CEP295: variants seen among roughly 807,000 people sequenced by gnomAD.
CEP295 encodes centrosomal protein of 295 kDa.
CEP295 carries 190 observed loss-of-function variants against 291.6 expected under a neutral mutation model. The observed-to-expected ratio is 0.65, with a 90% CI of 0.58 to 0.73. The LOEUF (loss-of-function observed/expected upper bound fraction) is 0.73, where lower values mean the gene tolerates loss of function less well. Among genes scored for constraint, CEP295 ranks in the 30% least tolerant of loss-of-function variants. The probability of loss-of-function intolerance (pLI) is 0.00; values close to 1 mark genes in which losing one functional copy is unlikely to be tolerated. For missense variants in CEP295, 2,863 were observed against 2,949.4 expected (o/e 0.97, Z 0.68); for synonymous variants, 993 against 1,038.8 (o/e 0.96, Z 0.85).
chr11:93,729,559 A>G, intron 26 of CEP295, 29 bp downstream of exon 26: 1 of 1,549,522 alleles, frequency 6.5e-7, no homozygotes, highest in Non-Finnish European at 8.7e-7. Flanking sequence ...CCACACTTCT[A>G]ATGGAAAGTA....
intron 15 of CEP295, among the ~76,000 whole-genome samples, chr11:93,701,226 A>G (rs916673823): frequency 6.6e-6 from 1 of 152,070 alleles, no homozygotes; most frequent in African/African-American, 2.4e-5. Flanking sequence ...TTAGCCAGGC[A>G]TGGTAGCATG....
At chr11:93,683,887 T>A (rs960362573) in intron 8 of CEP295, 77 bp from the exon 9 acceptor site, 1 of 1,477,174 alleles carries the variant, frequency 6.8e-7, no homozygotes, top group Admixed American at 2.4e-5. Flanking sequence ...GACATTACCG[T>A]GGCCTTTGCA....
intron 7 of CEP295, among the ~76,000 whole-genome samples, chr11:93,682,664 T>C (rs1591008518): frequency 1.3e-5 from 2 of 152,342 alleles, no homozygotes; most frequent in African/African-American, 4.8e-5. Context: ...ACCTTTTTGC[T>C]GCATACTGTA....
At chr11:93,706,097 A>G (rs964070139) in intron 17 of CEP295, among the ~76,000 whole-genome samples, 3 of 152,274 alleles carry the variant, frequency 2.0e-5, no homozygotes, top group African/African-American at 7.2e-5. Flanking sequence ...CCAGAGAATA[A>G]ACCTTTAGTT....
At chr11:93,705,969 G>A (rs1449951484) in intron 17 of CEP295, among the ~76,000 whole-genome samples, 1 of 152,170 alleles carries the variant, frequency 6.6e-6, no homozygotes, top group African/African-American at 2.4e-5. Flanking sequence ...GATCTGGATT[G>A]AGGATGCAGA....
intron 9 of CEP295, among the ~76,000 whole-genome samples, chr11:93,685,087 A>G (rs1357007094): frequency 2.6e-5 from 4 of 152,204 alleles, no homozygotes; most frequent in Non-Finnish European, 5.9e-5. Flanking sequence ...TATCTTAGTG[A>G]ATGGTATCAC....
At chr11:93,676,066 C>A (rs1950673923) in intron 6 of CEP295, among the ~76,000 whole-genome samples, 1 of 151,962 alleles carries the variant, frequency 6.6e-6, no homozygotes, top group Non-Finnish European at 1.5e-5. Context: ...CATATACACA[C>A]ACTTTTCAAA....
At chr11:93,696,520 T>C (rs1951852170) in intron 14 of CEP295, 103 bp downstream of exon 14, 1 of 1,066,850 alleles carries the variant, frequency 9.4e-7, no homozygotes, top group Non-Finnish European at 1.3e-6. Flanking sequence ...CTTAGAATTA[T>C]GGCATTTAGA....
rs78230233 is a variant in CEP295, at chr11:93,699,858, A to C, written c.4946A>C (p.Lys1649Thr). Residue 1649 changes from lysine to threonine, a missense_variant, in exon 15 of 30, where the codon AAG (lysine) becomes ACG (threonine). Lys to Thr is a moderately conservative substitution (Grantham distance 78). Transcript: ENST00000325212. ...EHTIPSLFLPKETEHSFIPLP... is the reference protein window; with the variant it reads ...EHTIPSLFLPTETEHSFIPLP... ...ACTATCCCCTCTTTGTTTCTACCCA[A>C]GGAAACAGAGCATTCGTTTATTCCA... The C allele has an allele frequency of 2.2e-3, 3,407 of 1,552,152 alleles. 99 individuals carry two copies. The East Asian group carries it at 0.068, about 31-fold the overall frequency.
intron 17 of CEP295, among the ~76,000 whole-genome samples, chr11:93,704,143 A>C (rs1411373941): frequency 6.6e-6 from 1 of 151,870 alleles, no homozygotes; most frequent in Non-Finnish European, 1.5e-5. Flanking sequence ...TCACTAAATA[A>C]TTTTCTCGAT....
At chr11:93,674,674 T>C (rs1433220944) in intron 5 of CEP295, among the ~76,000 whole-genome samples, 1 of 151,560 alleles carries the variant, frequency 6.6e-6, no homozygotes, top group East Asian at 1.9e-4. Flanking sequence ...GTTGAGGGAC[T>C]TTGCTAAGTT....
chr11:93,675,686 T>C lies in CEP295; in HGVS notation c.624+20T>C. On this transcript the variant is annotated intron_variant, in intron 6 of 29. Coordinates refer to ENST00000325212, the MANE Select transcript of CEP295 (RefSeq NM_033395.2). ...AAACGGGTGATTGACTTATTGTTTC[T>C]TCATGCCCTCGCTTTATTATTTCTG... 8.5e-7 allele frequency: 1 copy of C among 1,170,966 alleles called. No homozygotes were observed. The highest frequency in any genetic ancestry group is 2.7e-5 in the Admixed American group (1 of 37,678). 72.5% of individuals were successfully genotyped at this position (1,170,966 alleles called of 1,614,324 possible).
intron 5 of CEP295, among the ~76,000 whole-genome samples, chr11:93,669,983 T>C (rs1359178041): frequency 2.0e-5 from 3 of 152,162 alleles, no homozygotes; most frequent in African/African-American, 7.2e-5. Context: ...GTATAAGGAC[T>C]TTTTTCTTAG....
intron 18 of CEP295, among the ~76,000 whole-genome samples, chr11:93,710,460 A>G (rs1952820962): frequency 1.3e-5 from 2 of 152,222 alleles, no homozygotes; most frequent in Admixed American, 6.5e-5. Flanking sequence ...CCATCCTTGC[A>G]TCCTTGGGAT....
intron 1 of CEP295, among the ~76,000 whole-genome samples, chr11:93,663,688 TA>T (rs1950086675): frequency 6.6e-6 from 1 of 152,154 alleles, no homozygotes; most frequent in Non-Finnish European, 1.5e-5. Context: ...ATAAAAAGTT[TA>T]AAAAATTTAA....
chr11:93,674,319 T>A (rs1194974817), intron 5 of CEP295, among the ~76,000 whole-genome samples: 6 of 152,134 alleles, frequency 3.9e-5, no homozygotes, highest in Non-Finnish European at 8.8e-5. Context: ...CATTCCACAC[T>A]CATATATGTT....
Position 93,729,692 on chromosome 11 carries a change from G to A in CEP295, c.7478G>A (p.Arg2493Lys). ...AAGAGGAAAAAATCATTTATGGAGA[G>A]ATCCCACCAGAGGCAGAAAGAAATA... ...FIKRKKSFME[R>K]SHQRQKEIRN... The change falls in exon 27 of 30, where the codon AGA (arginine) becomes AAA (lysine). Residue 2493 changes from arginine (R) to lysine (K), a missense_variant. Transcript: ENST00000325212. The A allele has an allele frequency of 1.9e-6, 3 of 1,550,254 alleles. No individual in the cohort carries two copies. The highest frequency in any genetic ancestry group is 2.6e-6 in the Non-Finnish European group (3 of 1,145,808).
rs1176782857 is a variant in CEP295, at chr11:93,729,456, T to C, written c.7325T>C (p.Val2442Ala). 10 of 1,551,750 alleles carry C rather than the reference T, an allele frequency of 6.4e-6. No individual in the cohort carries two copies. The South Asian group carries it at 7.1e-5, about 11-fold the overall frequency. ...FFQVSEFLPL[V>A]SATEASDYPA... ...TAGGTGAGTGAGTTTCTGCCTCTTG[T>C]ATCAGCAACAGAAGCCTCAGATTAT... Residue 2442 changes from valine to alanine, a missense_variant, in exon 26 of 30, where the codon GTA (valine) becomes GCA (alanine). This residue lies in a region of CEP295 where 2,295 missense variants were observed against 2,335.7 expected (regional missense o/e 0.98). Transcript: ENST00000325212.
intron 18 of CEP295, among the ~76,000 whole-genome samples, chr11:93,708,523 C>T (rs1050187995): frequency 6.6e-6 from 1 of 151,960 alleles, no homozygotes; most frequent in Admixed American, 6.6e-5. Context: ...CATTGTGATA[C>T]GTGCCACTTT....
Sources: allele counts gnomAD v4.1 joint callset (sites outside exome capture counted in the v4.1 genomes callset), GRCh38; gene constraint gnomAD v4.1.1; regional missense constraint gnomAD v4.1.1; transcripts MANE v1.5; gene names NCBI Gene and HGNC (gene_info 2026-07-23, HGNC 2026-07-21).